PUM1: variants seen among roughly 807,000 people sequenced by gnomAD.
PUM1 encodes the protein pumilio RNA binding family member 1.
PUM1 carries 13 observed loss-of-function variants against 131.8 expected under a neutral mutation model. The observed-to-expected ratio is 0.10, with a 90% CI of 0.06 to 0.16. PUM1 has a LOEUF of 0.16. PUM1 is among the 10% of genes least tolerant of loss of function. The pLI is 1.00. For synonymous variants in PUM1, 509 were observed against 556.5 expected (o/e 0.91, Z 1.20); for missense variants, 961 against 1,512.4 (o/e 0.64, Z 6.05).
rs1340652020 is a variant in PUM1 at position 30,992,453 on chromosome 1, C to A, written c.1095G>T (p.Thr365=). 2.5e-6 allele frequency: 4 copies of A among 1,614,052 alleles called. No individual in the cohort carries two copies. Among genetic ancestry groups the A allele is most frequent in the African/African-American group, 1.3e-5 (1 of 74,922 alleles). The part of the protein sequence containing the change: ...MEPLQFDYSG[T]QVPVDSAAAT... Reference sequence around the variant, plus strand: ...CTGCTGCTGAGTCCACAGGTACCTGCGTGCCTGAATAATCAAACTGAAGAG... The same window carrying A: ...CTGCTGCTGAGTCCACAGGTACCTGAGTGCCTGAATAATCAAACTGAAGAG... The change falls in exon 7 of 22, where the codon ACG becomes ACT. Residue 365 remains threonine, a synonymous_variant. Coordinates refer to ENST00000426105, the MANE Select transcript of PUM1 (RefSeq NM_001020658.2).
chr1:31,065,688 C>A lies in PUM1; in HGVS notation c.-84G>T. 1.5e-5 allele frequency: 23 copies of A among 1,549,902 alleles called. No individual in the cohort carries two copies. The highest frequency in any genetic ancestry group is 2.0e-5 in the Non-Finnish European group (23 of 1,146,852). ...TCTCTGGCGCTCTCGCTCCCCCTTA[C>A]CTTTCACTCCGACAACATGGCGGCC... On this transcript the variant is annotated 5_prime_UTR_variant, in exon 1 of 22. Coordinates refer to ENST00000426105, the MANE Select transcript of PUM1 (RefSeq NM_001020658.2).
intron 20 of PUM1, among the ~76,000 whole-genome samples, chr1:30,940,463 G>A (rs146670521): frequency 1.1e-4 from 16 of 152,332 alleles, no homozygotes; most frequent in Admixed American, 6.5e-4. Flanking sequence ...GCGACAGAGC[G>A]TGACCCTGTC....
At chr1:30,964,536 G>A in intron 14 of PUM1, 138 bp downstream of exon 14, 2 of 756,876 alleles carry the variant, frequency 2.6e-6, no homozygotes, top group East Asian at 2.5e-5. Context: ...ATAACATGAG[G>A]TATTTACGGA....
intron 13 of PUM1, 95 bp from the exon 14 acceptor site, chr1:30,965,005 T>C: frequency 5.1e-6 from 5 of 989,564 alleles, no homozygotes; most frequent in Non-Finnish European, 7.7e-6. Context: ...CCAGACTCCT[T>C]ACCACCGCAA....
chr1:31,009,782 A>AACAAAACAAAAAC (rs1553150214), intron 3 of PUM1, among the ~76,000 whole-genome samples: 7 of 125,368 alleles, frequency 5.6e-5, no homozygotes, highest in South Asian at 2.6e-4. Context: ...AAAAAAAAAA[A>AACAAAACAAAAAC]AAAAACAAAA....
At chr1:30,976,462 C>T (rs964476073) in intron 9 of PUM1, among the ~76,000 whole-genome samples, 2 of 152,226 alleles carry the variant, frequency 1.3e-5, no homozygotes, top group African/African-American at 2.4e-5. Context: ...TCAAATATTA[C>T]AGCTACTCTG....
intron 10 of PUM1, among the ~76,000 whole-genome samples, chr1:30,970,869 T>A (rs1253810532): frequency 6.6e-6 from 1 of 152,220 alleles, no homozygotes; most frequent in African/African-American, 2.4e-5. Context: ...AGGTTTATGT[T>A]TGATTAGGTG....
chr1:30,991,036 A>G (rs1481327940), intron 7 of PUM1, among the ~76,000 whole-genome samples: 1 of 151,796 alleles, frequency 6.6e-6, no homozygotes, highest in African/African-American at 2.4e-5. Flanking sequence ...ATCAAAAAAG[A>G]ATATCAACTC....
chr1:30,951,419 C>T (rs930582764), intron 16 of PUM1, among the ~76,000 whole-genome samples: 6 of 152,142 alleles, frequency 3.9e-5, no homozygotes, highest in South Asian at 2.1e-4. Context: ...AACTTGAGTA[C>T]GTCAGTTTTT....
At chr1:30,962,042 C>A (rs911407810) in intron 14 of PUM1, among the ~76,000 whole-genome samples, 4 of 152,210 alleles carry the variant, frequency 2.6e-5, no homozygotes, top group African/African-American at 9.6e-5. Flanking sequence ...CACACCTCTA[C>A]TTTCTCGAGG....
At chr1:30,935,570 A>G (rs1397577388) in intron 21 of PUM1, 5 of 430,870 alleles carry the variant, frequency 1.2e-5, no homozygotes, top group Admixed American at 1.0e-4. Context: ...CTTCACCAGC[A>G]TCCTGAAAAC....
rs758361282 is a variant in PUM1 at position 30,952,228 on chromosome 1, G to C, written c.2721+6C>G. The C allele has an allele frequency of 1.2e-6, 2 of 1,613,338 alleles. No homozygotes were observed. The highest frequency in any genetic ancestry group is 1.3e-5 in the African/African-American group (1 of 74,896). ...AAGTCAAAGGATAGAAAGAACAAAG[G>C]CTTACTTCAAAGAACTTCTGAATGA... On this transcript the variant is annotated splice_donor_region_variant and intron_variant, in intron 16 of 21. Coordinates refer to ENST00000426105, the MANE Select transcript of PUM1 (RefSeq NM_001020658.2).
At chr1:30,996,341 G>T (rs1443541861) in intron 5 of PUM1, among the ~76,000 whole-genome samples, 1 of 152,170 alleles carries the variant, frequency 6.6e-6, no homozygotes, top group Non-Finnish European at 1.5e-5. Context: ...AAAACCAAAT[G>T]TCAATGGGGA....
At chr1:30,936,892 C>T in intron 20 of PUM1, 57 bp from the exon 21 acceptor site, 1 of 1,437,404 alleles carries the variant, frequency 7.0e-7, no homozygotes, top group South Asian at 1.3e-5. Context: ...GTTAGTGAGG[C>T]TGTGCTTGCC....
chr1:31,015,093 A>G (rs1642763335), intron 3 of PUM1, among the ~76,000 whole-genome samples: 1 of 152,230 alleles, frequency 6.6e-6, no homozygotes, highest in South Asian at 2.1e-4. Flanking sequence ...AAAATTGTAC[A>G]TGTAAAGACT....
intron 3 of PUM1, among the ~76,000 whole-genome samples, chr1:31,028,138 A>G (rs745941108): frequency 2.6e-5 from 4 of 152,186 alleles, no homozygotes; most frequent in Non-Finnish European, 4.4e-5. Context: ...CTTCCTTTTT[A>G]AGACTTACAG....
At chr1:30,992,163 C>CA (rs1641817501) in intron 7 of PUM1, among the ~76,000 whole-genome samples, 1 of 152,120 alleles carries the variant, frequency 6.6e-6, no homozygotes, top group South Asian at 2.1e-4. Context: ...AGAGAAGAAC[C>CA]AAAGGAAGTA....
chr1:30,935,560 CT>C, intron 21 of PUM1: 1 of 422,308 alleles, frequency 2.4e-6, no homozygotes, highest in Non-Finnish European at 4.8e-6. Flanking sequence ...TTCCCTCTGC[CT>C]TCACCAGCAT....
chr1:30,933,752 C>T (rs1442324544), intron 21 of PUM1, among the ~76,000 whole-genome samples: 2 of 152,234 alleles, frequency 1.3e-5, no homozygotes, highest in East Asian at 1.9e-4. Context: ...TGCACGGCAT[C>T]CAGGCTCTCC....
Sources: allele counts gnomAD v4.1 joint callset (sites outside exome capture counted in the v4.1 genomes callset), GRCh38; gene constraint gnomAD v4.1.1; transcripts MANE v1.5; gene names NCBI Gene and HGNC (gene_info 2026-07-23, HGNC 2026-07-21).